The following TBC1D16 variants were observed in gnomAD, a reference collection of about 807,000 sequenced individuals.
The protein encoded by TBC1D16 is TBC1 domain family member 16.
A neutral mutation model predicts 74.7 loss-of-function variants in TBC1D16; 58 were observed. That is an observed-to-expected ratio of 0.78 (90% CI 0.63 to 0.97). TBC1D16 has a LOEUF of 0.97. Ranked by LOEUF, TBC1D16 falls within the 50% of genes least tolerant of loss-of-function variation. The pLI is 0.00. For missense variants in TBC1D16, 1,014 were observed against 1,079.5 expected, an observed-to-expected ratio of 0.94 and a Z score of 0.85; for synonymous variants, 493 against 474.7, an observed-to-expected ratio of 1.04 and a Z score of -0.50.
In TBC1D16 at chr17:80,013,510, T is replaced by C. The variant is rs776008060; in HGVS notation, c.38A>G (p.Lys13Arg). ...GGTGAGGGTCAGGAGGTCCGAGGCTTTGGAGGAGGCCCTGCGAAGGAGGCG... is the reference window on the plus strand; with the variant it reads ...GGTGAGGGTCAGGAGGTCCGAGGCTCTGGAGGAGGCCCTGCGAAGGAGGCG... ...LGRLLRRASS[K>R]ASDLLTLTPG... Residue 13 changes from lysine to arginine, a missense_variant, in exon 2 of 12, where the codon AAA becomes AGA. Physicochemically the swap from Lys to Arg is conservative, Grantham distance 26 (BLOSUM62 2). Transcript: ENST00000310924. The C allele has an allele frequency of 3.2e-6, 5 of 1,568,520 alleles. No homozygotes were observed. In the East Asian group the frequency reaches 9.3e-5, roughly 29 times the overall value.
chr17:79,950,545 A>G lies in TBC1D16; in HGVS notation c.1123T>C (p.Ser375Pro), dbSNP rs574564722. 1 of 1,613,134 alleles carries G rather than the reference A, an allele frequency of 6.2e-7. No individual in the cohort carries two copies. The highest frequency in any genetic ancestry group is 1.1e-5 in the South Asian group (1 of 90,678). Reference protein sequence around the residue: ...VAPDKTCMQFSIRRPKLPSSE... With the variant: ...VAPDKTCMQFPIRRPKLPSSE... ...GACGGCAGCTTGGGGCGGCGGATGG[A>G]GAACTGCATGCATGTCTTATCGGGG... Residue 375 changes from serine to proline, a missense_variant, in exon 6 of 12, where the codon TCC becomes CCC. By Grantham distance (74) the Ser-to-Pro change is moderately conservative (BLOSUM62 -1). Transcript: ENST00000310924. The surrounding 1 kb of genome is among the most constrained non-coding windows in gnomAD (Gnocchi z 4.6).
chr17:80,024,464 GACACACACACCACA>G, intron 1 of TBC1D16, among the ~76,000 whole-genome samples: 1 of 79,058 alleles, frequency 1.3e-5, no homozygotes, highest in East Asian at 4.1e-4. Flanking sequence ...ACACACCATA[GACACACACACCACA>G]CACCATAGAC....
chr17:79,959,266 G>A (rs2033485695), intron 3 of TBC1D16, among the ~76,000 whole-genome samples: 1 of 152,156 alleles, frequency 6.6e-6, no homozygotes, highest in Admixed American at 6.5e-5. Flanking sequence ...AAGAAATGCA[G>A]AAATGCACCA....
intron 1 of TBC1D16, among the ~76,000 whole-genome samples, chr17:80,021,290 A>C (rs1490533236): frequency 1.3e-5 from 2 of 148,560 alleles, no homozygotes; most frequent in Non-Finnish European, 1.5e-5. Flanking sequence ...CCTGGGCAAC[A>C]TAACAAGATC....
Position 79,933,855 on chromosome 17 carries a change from G to T in TBC1D16, c.*7004C>A. ...CCTTGCTTCCCTAGAGCGAGCCCAC[G>T]GTACCATAGTCCTCGTGGGATGAAT... On this transcript the variant is annotated 3_prime_UTR_variant, in exon 12 of 12. Transcript: ENST00000310924. 6.6e-6 allele frequency: 1 copy of T among 152,358 alleles called. No individual in the cohort carries two copies. Among genetic ancestry groups the T allele is most frequent in the Non-Finnish European group, 1.5e-5 (1 of 68,052 alleles). The allele number at this position is 152,358 out of a possible 1,614,324, so 9.4% of individuals were successfully genotyped here.
At chr17:80,024,212 C>T (rs574929146) in intron 1 of TBC1D16, among the ~76,000 whole-genome samples, 4 of 144,788 alleles carry the variant, frequency 2.8e-5, no homozygotes, top group East Asian at 2.0e-4. Context: ...GCACGCCCCA[C>T]GGACCCCAGC....
Position 80,008,467 on chromosome 17 carries a change from A to C in TBC1D16, c.779+1693T>G, listed in dbSNP as rs949504406. On this transcript the variant is annotated intron_variant, in intron 3 of 11. Coordinates refer to ENST00000310924, the MANE Select transcript of TBC1D16 (RefSeq NM_019020.4). This position sits in a 1 kb window ranked among gnomAD's most constrained non-coding sequence, Gnocchi z 4.5. ...ATCCTCAGCCCCAAGACCGTGGGCC[A>C]ACCCCACCACCTCTCTGAGACACAA... Among the ~76,000 whole-genome samples, 2 of 152,094 alleles carry C rather than the reference A, an allele frequency of 1.3e-5. No individual in the cohort carries two copies. Among genetic ancestry groups the C allele is most frequent in the African/African-American group, 4.8e-5 (2 of 41,408 alleles).
chr17:79,952,521 G>A, intron 4 of TBC1D16, 136 bp downstream of exon 4: 2 of 1,129,510 alleles, frequency 1.8e-6, no homozygotes, highest in South Asian at 2.0e-5. Context: ...AGCGAGGGAG[G>A]AAAGCAGACG....
chr17:79,979,306 G>C lies in TBC1D16; in HGVS notation c.780-26488C>G, dbSNP rs972705188. 2.0e-5 allele frequency among the ~76,000 whole-genome samples: 3 copies of C among 151,930 alleles called. No individual in the cohort carries two copies. The highest frequency in any genetic ancestry group is 2.9e-5 in the Non-Finnish European group (2 of 67,980). On this transcript the variant is annotated intron_variant, in intron 3 of 11. Coordinates refer to ENST00000310924, the MANE Select transcript of TBC1D16 (RefSeq NM_019020.4). This position sits in a 1 kb window ranked among gnomAD's most constrained non-coding sequence, Gnocchi z 4.8. ...ACGCGCTCCGGGGACGCACACCCAC[G>C]CCCAGAGCACACACGCTCCAGGGAT...
intron 1 of TBC1D16, among the ~76,000 whole-genome samples, chr17:80,027,458 G>C (rs952958317): frequency 6.6e-6 from 1 of 152,128 alleles, no homozygotes; most frequent in Non-Finnish European, 1.5e-5. Context: ...AATTAGCCAG[G>C]CTTGGTGGCC....
In TBC1D16 at chr17:79,941,465, TC is replaced by T. The variant is rs2031975285; in HGVS notation, c.2056-359del. Among the ~76,000 whole-genome samples, 1 of 151,824 alleles carries T rather than the reference TC, an allele frequency of 6.6e-6. No individual in the cohort carries two copies. The highest frequency in any genetic ancestry group is 1.9e-4 in the East Asian group (1 of 5,148). ...ACCTGTCCCTTTGGCAGCACCCCTC[TC>T]TTCTTCCCCCGCACCTTGCTCCACC... On this transcript the variant is annotated intron_variant, in intron 11 of 11. Transcript: ENST00000310924. The surrounding 1 kb of genome is among the most constrained non-coding windows in gnomAD (Gnocchi z 4.3).
chr17:80,034,192 T>C (rs958874957), intron 1 of TBC1D16, among the ~76,000 whole-genome samples: 1 of 126,348 alleles, frequency 7.9e-6, no homozygotes, highest in African/African-American at 3.1e-5. Context: ...ATAAAAACTT[T>C]TTTTTTCCTT....
chr17:79,981,770 C>T lies in TBC1D16; in HGVS notation c.779+28390G>A, dbSNP rs2034592591. On this transcript the variant is annotated intron_variant, in intron 3 of 11. Transcript: ENST00000310924. This position sits in a 1 kb window ranked among gnomAD's most constrained non-coding sequence, Gnocchi z 6.9. ...TCTCAGCAAGAACGTGCTCACTGCA[C>T]ATAACGCTGAACCTGCCACGGGCAC... 6.6e-6 allele frequency among the ~76,000 whole-genome samples: 1 copy of T among 152,246 alleles called. No homozygotes were observed. Among genetic ancestry groups the T allele is most frequent in the Non-Finnish European group, 1.5e-5 (1 of 68,042 alleles).
intron 3 of TBC1D16, among the ~76,000 whole-genome samples, chr17:79,957,728 C>T (rs998140545): frequency 8.7e-5 from 13 of 150,118 alleles, no homozygotes; most frequent in African/African-American, 2.2e-4. Context: ...GCTCATGAGT[C>T]GTAACATGTG....
rs577641111 is a variant in TBC1D16, at chr17:79,994,317, G to A, written c.779+15843C>T. ...TGCCAGGGCTGTGAACCCCCGACAAGAGGCAATGAAACCCCCTCCTCCTAG... is the reference window on the plus strand; with the variant it reads ...TGCCAGGGCTGTGAACCCCCGACAAAAGGCAATGAAACCCCCTCCTCCTAG... On this transcript the variant is annotated intron_variant, in intron 3 of 11. Coordinates refer to ENST00000310924, the MANE Select transcript of TBC1D16 (RefSeq NM_019020.4). This position sits in a 1 kb window ranked among gnomAD's most constrained non-coding sequence, Gnocchi z 4.6. Among the ~76,000 whole-genome samples the A allele has an allele frequency of 3.3e-5, 5 of 152,236 alleles. No individual in the cohort carries two copies. Among genetic ancestry groups the A allele is most frequent in the African/African-American group, 9.6e-5 (4 of 41,526 alleles).
At chr17:79,945,904 C>G (rs868582963) in intron 9 of TBC1D16, among the ~76,000 whole-genome samples, 2 of 152,264 alleles carry the variant, frequency 1.3e-5, no homozygotes, top group Non-Finnish European at 2.9e-5. Flanking sequence ...ATGCCCCCTT[C>G]CCACACAGGT....
At chr17:80,017,487 G>T (rs954458291) in intron 1 of TBC1D16, among the ~76,000 whole-genome samples, 40 of 151,950 alleles carry the variant, frequency 2.6e-4, no homozygotes, top group African/African-American at 9.4e-4. Context: ...CTCGACACCA[G>T]CCTGACCAAC....
intron 2 of TBC1D16, among the ~76,000 whole-genome samples, chr17:80,011,515 T>C (rs932441848): frequency 2.6e-5 from 4 of 152,170 alleles, no homozygotes; most frequent in African/African-American, 9.7e-5. Flanking sequence ...GGCTGGAGAC[T>C]TCATTCTGTT....
chr17:79,999,390 C>T (rs1020649967), intron 3 of TBC1D16, among the ~76,000 whole-genome samples: 1 of 152,162 alleles, frequency 6.6e-6, no homozygotes, highest in Non-Finnish European at 1.5e-5. Flanking sequence ...TACTTGCTGT[C>T]TGGCCCACCT....
Sources: allele counts gnomAD v4.1 joint callset (sites outside exome capture counted in the v4.1 genomes callset), GRCh38; gene constraint gnomAD v4.1.1; non-coding constraint Gnocchi (gnomAD v3.1); transcripts MANE v1.5; gene names NCBI Gene and HGNC (gene_info 2026-07-23, HGNC 2026-07-21).